MARCHF1: variants seen among roughly 807,000 people sequenced by gnomAD.
MARCHF1 encodes E3 ubiquitin-protein ligase MARCHF1.
A neutral mutation model predicts 54.2 loss-of-function variants in MARCHF1; 40 were observed. The ratio of observed to expected loss-of-function variants is 0.74; its 90% confidence interval spans 0.57 to 0.96. MARCHF1 has a LOEUF of 0.96. Ranked by LOEUF, MARCHF1 falls within the 40% of genes least tolerant of loss-of-function variation. The pLI is 0.00. For synonymous variants in MARCHF1, 236 were observed against 236.3 expected, an observed-to-expected ratio of 1.00 and a Z score of 0.01; for missense variants, 586 against 656.5, an observed-to-expected ratio of 0.89 and a Z score of 1.17.
chr4:164,327,104 T>C (rs1038502621), intron 1 of MARCHF1, among the ~76,000 whole-genome samples: 3 of 152,054 alleles, frequency 2.0e-5, no homozygotes, highest in African/African-American at 7.2e-5. Context: ...GTGTCTACTA[T>C]ACTCTGGATG....
chr4:163,895,087 T>C (rs972340715), intron 3 of MARCHF1, among the ~76,000 whole-genome samples: 2 of 151,992 alleles, frequency 1.3e-5, no homozygotes, highest in African/African-American at 2.4e-5. Flanking sequence ...TGCATATATA[T>C]GTGCATGTGA....
chr4:163,976,156 G>T (rs1752646134), intron 3 of MARCHF1, among the ~76,000 whole-genome samples: 1 of 152,184 alleles, frequency 6.6e-6, no homozygotes, highest in Non-Finnish European at 1.5e-5. Context: ...ACATGTAACT[G>T]CTGTATGTCT....
chr4:163,846,011 C>T (rs924009927), intron 4 of MARCHF1, among the ~76,000 whole-genome samples: 3 of 152,116 alleles, frequency 2.0e-5, no homozygotes, highest in African/African-American at 4.8e-5. Flanking sequence ...TTAAAAGCAT[C>T]ACGTCTTTTG....
At chr4:164,041,300 C>G (rs1469450042) in intron 2 of MARCHF1, among the ~76,000 whole-genome samples, 1 of 152,096 alleles carries the variant, frequency 6.6e-6, no homozygotes, top group Non-Finnish European at 1.5e-5. Context: ...CAATATCTAT[C>G]AGAAATATCC....
At chr4:163,795,523 CCCA>C (rs1186397072) in intron 4 of MARCHF1, among the ~76,000 whole-genome samples, 3 of 152,226 alleles carry the variant, frequency 2.0e-5, no homozygotes, top group Non-Finnish European at 4.4e-5. Flanking sequence ...AGCCACCATG[CCCA>C]GCATCTTAAT....
At chr4:163,842,985 T>C (rs1749383990) in intron 4 of MARCHF1, among the ~76,000 whole-genome samples, 1 of 150,766 alleles carries the variant, frequency 6.6e-6, no homozygotes, top group South Asian at 2.1e-4. Flanking sequence ...CAGGGTGCAA[T>C]AGGTAGTTTT....
chr4:163,661,756 T>C (rs902138190), intron 5 of MARCHF1, among the ~76,000 whole-genome samples: 2 of 152,064 alleles, frequency 1.3e-5, no homozygotes, highest in African/African-American at 4.8e-5. Context: ...TTCTTGCCCA[T>C]GCAGTGTATC....
chr4:163,631,790 G>T (rs1742093546), intron 5 of MARCHF1, among the ~76,000 whole-genome samples: 1 of 152,164 alleles, frequency 6.6e-6, no homozygotes, highest in South Asian at 2.1e-4. Flanking sequence ...AAAAGCATGG[G>T]CAGCAAAGGT....
chr4:163,906,402 C>T (rs536095580), intron 3 of MARCHF1, among the ~76,000 whole-genome samples: 1 of 152,036 alleles, frequency 6.6e-6, no homozygotes, highest in Non-Finnish European at 1.5e-5. Flanking sequence ...AGACTAGAAT[C>T]TGAAGAGAAG....
At chr4:164,022,710 C>A (rs564610653) in intron 2 of MARCHF1, among the ~76,000 whole-genome samples, 1 of 152,324 alleles carries the variant, frequency 6.6e-6, no homozygotes, top group South Asian at 2.1e-4. Context: ...GCTTCCAATG[C>A]CCCAAGGTTC....
intron 1 of MARCHF1, among the ~76,000 whole-genome samples, chr4:164,355,459 C>T (rs1157303770): frequency 3.1e-5 from 4 of 129,686 alleles, no homozygotes; most frequent in South Asian, 2.7e-4. Context: ...GAAATAACGC[C>T]GCATACCTAC....
Position 164,330,913 on chromosome 4 carries a change from C to T in MARCHF1, c.-323+52957G>A, listed in dbSNP as rs143009896. Among the ~76,000 whole-genome samples, 384 of 152,236 alleles carry T rather than the reference C, an allele frequency of 2.5e-3. 9 individuals carry two copies. The highest frequency in any genetic ancestry group is 0.021 in the Admixed American group (328 of 15,288). The stretch of plus-strand genomic sequence containing the variant: ...AGTGGTAGCCCTAGATATAATGACG[C>T]TCCAGTTCTGTAAAAGTGATTTTGA... On this transcript the variant is annotated intron_variant, in intron 1 of 9. Transcript: ENST00000514618.
chr4:163,697,583 G>A (rs1744675530), intron 5 of MARCHF1, among the ~76,000 whole-genome samples: 2 of 152,224 alleles, frequency 1.3e-5, no homozygotes, highest in Middle Eastern at 3.4e-3. Flanking sequence ...TTAAAGAACT[G>A]CAAGAAATAG....
At chr4:163,729,474 C>T (rs1264981054) in intron 4 of MARCHF1, among the ~76,000 whole-genome samples, 1 of 152,044 alleles carries the variant, frequency 6.6e-6, no homozygotes, top group African/African-American at 2.4e-5. Context: ...TAAGCCTACT[C>T]AGATTTTTTG....
At chr4:163,620,733 G>C (rs781377019) in intron 5 of MARCHF1, among the ~76,000 whole-genome samples, 11 of 151,466 alleles carry the variant, frequency 7.3e-5, no homozygotes, top group Non-Finnish European at 1.2e-4. Flanking sequence ...ATCTTGTTAG[G>C]GTAAATAGTG....
chr4:164,338,774 AC>A (rs1315236760), intron 1 of MARCHF1, among the ~76,000 whole-genome samples: 1 of 152,116 alleles, frequency 6.6e-6, no homozygotes, highest in African/African-American at 2.4e-5. Flanking sequence ...GGAGTTTGAG[AC>A]CAGCCTTACC....
In MARCHF1 at chr4:163,974,303, C is replaced by T. The variant is rs111498464; in HGVS notation, c.-39+14198G>A. Among the ~76,000 whole-genome samples, 702 of 152,316 alleles carry T rather than the reference C, an allele frequency of 4.6e-3. 8 individuals are homozygous for T. Among genetic ancestry groups the T allele is most frequent in the African/African-American group, 0.016 (651 of 41,558 alleles). On this transcript the variant is annotated intron_variant, in intron 3 of 9. Transcript: ENST00000514618. ...TTAGCCTTGATTGGTGAAGCACTCA[C>T]TCTTGAAATGCTAAGCTTCCATTAA...
At chr4:164,136,434 T>TG (rs1002562264) in intron 1 of MARCHF1, among the ~76,000 whole-genome samples, 3 of 151,694 alleles carry the variant, frequency 2.0e-5, no homozygotes, top group African/African-American at 7.3e-5. Flanking sequence ...GGAGAGTGAG[T>TG]GAGTAACCCA....
At chr4:163,820,328 T>C (rs917888137) in intron 4 of MARCHF1, among the ~76,000 whole-genome samples, 1 of 152,080 alleles carries the variant, frequency 6.6e-6, no homozygotes, top group African/African-American at 2.4e-5. Flanking sequence ...CTCTTAGTGT[T>C]CTCATTCTCC....
Sources: allele counts gnomAD v4.1 joint callset (sites outside exome capture counted in the v4.1 genomes callset), GRCh38; gene constraint gnomAD v4.1.1; transcripts MANE v1.5; gene names NCBI Gene and HGNC (gene_info 2026-07-23, HGNC 2026-07-21).